Variants in PRKG1 observed in about 807,000 individuals in gnomAD.
PRKG1 encodes cGMP-dependent protein kinase 1.
A neutral mutation model predicts 88.1 loss-of-function variants in PRKG1; 35 were observed. The observed-to-expected ratio is 0.40, with a 90% CI of 0.30 to 0.53. PRKG1 has a LOEUF of 0.53. PRKG1 is among the 20% of genes least tolerant of loss of function. The pLI is 0.59. For synonymous variants in PRKG1, 303 were observed against 292.5 expected (o/e 1.04, Z -0.37); for missense variants, 540 against 839.8 (o/e 0.64, Z 4.41).
chr10:51,003,075 GA>G (rs1292885920), intron 1 of PRKG1, among the ~76,000 whole-genome samples: 1 of 151,924 alleles, frequency 6.6e-6, no homozygotes. Context: ...CCTAGGTTAG[GA>G]AAAAAACAAT....
chr10:51,099,875 G>C (rs767769444), intron 1 of PRKG1, among the ~76,000 whole-genome samples: 1 of 152,060 alleles, frequency 6.6e-6, no homozygotes, highest in Non-Finnish European at 1.5e-5. Context: ...AGAAAACTTC[G>C]TGCCTTCAGT....
chr10:51,015,686 A>G (rs1033466137), intron 1 of PRKG1, among the ~76,000 whole-genome samples: 1 of 152,204 alleles, frequency 6.6e-6, no homozygotes, highest in Non-Finnish European at 1.5e-5. Flanking sequence ...CAGGAGTTTG[A>G]GACAAGCCTG....
At chr10:51,610,152 C>T (rs1156801853) in intron 3 of PRKG1, among the ~76,000 whole-genome samples, 1 of 152,070 alleles carries the variant, frequency 6.6e-6, no homozygotes, top group Non-Finnish European at 1.5e-5. Flanking sequence ...CAAGCTCTCT[C>T]TTCTAGTTTT....
At chr10:51,555,377 G>A (rs1275510713) in intron 3 of PRKG1, among the ~76,000 whole-genome samples, 3 of 151,806 alleles carry the variant, frequency 2.0e-5, no homozygotes, top group Non-Finnish European at 4.4e-5. Flanking sequence ...GCTTGGGGAT[G>A]CTCAGTTCAC....
chr10:51,679,704 C>CA, intron 3 of PRKG1, among the ~76,000 whole-genome samples: 1 of 109,578 alleles, frequency 9.1e-6, no homozygotes, highest in East Asian at 2.5e-4. Context: ...GGGCAGGGAA[C>CA]TTTTTTTTTT....
rs76442815 is a variant in PRKG1, at chr10:51,020,675, G to C, written c.266+29031G>C. ...TATGAACAGTTTTCTCATAGATTCT[G>C]TAAATTAGAAGACACCAAAATTATG... On this transcript the variant is annotated intron_variant, in intron 1 of 17. Coordinates refer to the PRKG1 transcript ENST00000401604. Among the ~76,000 whole-genome samples the C allele has an allele frequency of 4.8e-3, 724 of 152,236 alleles. 25 individuals carry two copies. The East Asian group carries it at 0.074, about 16-fold the overall frequency.
chr10:51,157,428 T>G (rs1846242001), intron 2 of PRKG1, among the ~76,000 whole-genome samples: 1 of 151,944 alleles, frequency 6.6e-6, no homozygotes, highest in South Asian at 2.1e-4. Flanking sequence ...CAGTTTATTT[T>G]CTTAAACAGA....
At chr10:51,763,590 T>C (rs1263806569) in intron 3 of PRKG1, among the ~76,000 whole-genome samples, 8 of 124,874 alleles carry the variant, frequency 6.4e-5, no homozygotes, top group Admixed American at 2.6e-4. Flanking sequence ...ATTTGGAAAA[T>C]ACTGATCAAA....
chr10:51,697,864 A>G, intron 3 of PRKG1: 1 of 1,613,972 alleles, frequency 6.2e-7, no homozygotes, highest in Non-Finnish European at 8.5e-7. Flanking sequence ...GCCCAGGACT[A>G]AAACTGCTAG....
intron 1 of PRKG1, among the ~76,000 whole-genome samples, chr10:51,024,433 C>T (rs1403385178): frequency 6.6e-6 from 1 of 152,060 alleles, no homozygotes; most frequent in Admixed American, 6.5e-5. Context: ...TAAGCTTGTA[C>T]TAAGTTCTAC....
chr10:51,790,092 G>A (rs1189374252), intron 3 of PRKG1, among the ~76,000 whole-genome samples: 2 of 152,036 alleles, frequency 1.3e-5, no homozygotes, highest in Non-Finnish European at 2.9e-5. Context: ...CAAAGTGATG[G>A]GATTACAGGC....
intron 9 of PRKG1, among the ~76,000 whole-genome samples, chr10:52,242,967 C>T (rs554370821): frequency 3.3e-5 from 5 of 152,172 alleles, no homozygotes; most frequent in Admixed American, 1.3e-4. Flanking sequence ...AAATTTATTT[C>T]AAACTGTAAA....
chr10:52,272,515 A>T (rs767730912), intron 12 of PRKG1, 34 bp downstream of exon 12: 1 of 1,456,120 alleles, frequency 6.9e-7, no homozygotes, highest in Admixed American at 1.7e-5. Context: ...TGATATCTCT[A>T]AAAACAGTTG....
intron 1 of PRKG1, among the ~76,000 whole-genome samples, chr10:51,091,492 C>T (rs902473219): frequency 1.4e-4 from 22 of 152,098 alleles, no homozygotes; most frequent in African/African-American, 5.1e-4. Context: ...TATCAATTTA[C>T]TTGAATGACT....
intron 2 of PRKG1, among the ~76,000 whole-genome samples, chr10:51,312,840 T>C (rs1329544744): frequency 6.6e-6 from 1 of 152,180 alleles, no homozygotes; most frequent in Non-Finnish European, 1.5e-5. Context: ...AGCTTATTCT[T>C]TGGTAGGACA....
chr10:51,520,783 G>T (rs1016803919), intron 3 of PRKG1, among the ~76,000 whole-genome samples: 1 of 152,140 alleles, frequency 6.6e-6, no homozygotes, highest in African/African-American at 2.4e-5. Context: ...AGAATTAGAG[G>T]GAATTGTAGA....
chr10:51,543,684 A>C (rs768262817), intron 3 of PRKG1, among the ~76,000 whole-genome samples: 3 of 152,194 alleles, frequency 2.0e-5, no homozygotes, highest in Admixed American at 2.0e-4. Flanking sequence ...TCTGCTGTGA[A>C]GACTAGGTGT....
chr10:51,845,865 G>C (rs183861833), intron 4 of PRKG1, among the ~76,000 whole-genome samples: 233 of 152,094 alleles, frequency 1.5e-3, no homozygotes, highest in Middle Eastern at 6.8e-3. Flanking sequence ...TTACATGTTT[G>C]AGGTCCCCAC....
intron 9 of PRKG1, among the ~76,000 whole-genome samples, chr10:52,163,920 C>T (rs1013884502): frequency 2.0e-5 from 3 of 152,106 alleles, no homozygotes; most frequent in Admixed American, 6.5e-5. Context: ...GGGTTCTGCT[C>T]CTGGCTCTGT....
Sources: allele counts gnomAD v4.1 joint callset (sites outside exome capture counted in the v4.1 genomes callset), GRCh38; gene constraint gnomAD v4.1.1; transcripts MANE v1.5; gene names NCBI Gene and HGNC (gene_info 2026-07-23, HGNC 2026-07-21).